The following DENND1A variants were observed in gnomAD, a reference collection of about 807,000 sequenced individuals.
DENND1A encodes DENN domain-containing protein 1A.
Under a neutral mutation model 113.7 loss-of-function variants are expected in DENND1A, and 51 were observed. That is an observed-to-expected ratio of 0.45 (90% CI 0.36 to 0.57). DENND1A has a LOEUF of 0.57. DENND1A is among the 20% of genes least tolerant of loss of function. The probability of loss-of-function intolerance (pLI) is 0.00; values close to 1 mark genes in which losing one functional copy is unlikely to be tolerated. For synonymous variants in DENND1A, 565 were observed against 570.8 expected, an observed-to-expected ratio of 0.99 and a Z score of 0.14; for missense variants, 1,258 against 1,395.9, an observed-to-expected ratio of 0.90 and a Z score of 1.57.
rs531325572 is a variant in DENND1A at position 123,435,177 on chromosome 9, T to C, written c.1488+5183A>G. On this transcript the variant is annotated intron_variant, in intron 19 of 23. Transcript: ENST00000394215. The stretch of plus-strand genomic sequence containing the variant: ...CCTGCTGGAGGTGGTGAGGAGGCAA[T>C]GGCTGAAGTGAAGGGAATTGCATGT... Among the ~76,000 whole-genome samples, 12 of 152,168 alleles carry C rather than the reference T, an allele frequency of 7.9e-5. No homozygotes were observed. In the South Asian group the frequency reaches 2.5e-3, roughly 32 times the overall value.
intron 13 of DENND1A, among the ~76,000 whole-genome samples, chr9:123,516,149 CACACACAA>C (rs2053888195): frequency 1.2e-5 from 1 of 85,668 alleles, no homozygotes; most frequent in African/African-American, 5.7e-5. Flanking sequence ...CACACACACA[CACACACAA>C]AGGTTGGGGG....
At chr9:123,513,923 A>G (rs557150981) in intron 13 of DENND1A, among the ~76,000 whole-genome samples, 1 of 152,216 alleles carries the variant, frequency 6.6e-6, no homozygotes, top group Non-Finnish European at 1.5e-5. Flanking sequence ...CCTGCCCAAC[A>G]TGGATCCCCA....
intron 1 of DENND1A, among the ~76,000 whole-genome samples, chr9:123,911,688 A>AT (rs369915046): frequency 2.8e-4 from 41 of 144,218 alleles, no homozygotes; most frequent in East Asian, 7.9e-4. Flanking sequence ...CAGAATAGTG[A>AT]TTTTTTTTTT....
At chr9:123,644,873 T>C (rs1245532709) in intron 9 of DENND1A, among the ~76,000 whole-genome samples, 3 of 152,304 alleles carry the variant, frequency 2.0e-5, no homozygotes, top group Non-Finnish European at 4.4e-5. Context: ...GGAATGCTGA[T>C]GGAATTGTAT....
At position 123,902,218 on chromosome 9, in the gene DENND1A, C is replaced by T. The variant is rs113262246; in HGVS notation, c.18-23197G>A. Among the ~76,000 whole-genome samples, 1,248 of 148,892 alleles carry T rather than the reference C, an allele frequency of 8.4e-3. 22 individuals carry two copies. Among genetic ancestry groups the T allele is most frequent in the African/African-American group, 0.029 (1,190 of 40,944 alleles). ...ACACACACACACACATACACACACA[C>T]GTAGAGACAGAGAGAGACTAATAAA... On this transcript the variant is annotated intron_variant, in intron 1 of 23. Transcript: ENST00000394215.
intron 5 of DENND1A, among the ~76,000 whole-genome samples, chr9:123,690,414 A>T (rs1055260737): frequency 6.6e-6 from 1 of 152,170 alleles, no homozygotes; most frequent in Non-Finnish European, 1.5e-5. Flanking sequence ...CTTGAAAGCA[A>T]CCTAAATGTA....
intron 2 of DENND1A, among the ~76,000 whole-genome samples, chr9:123,875,648 A>T (rs937546184): frequency 2.0e-5 from 3 of 152,132 alleles, no homozygotes; most frequent in Non-Finnish European, 4.4e-5. Flanking sequence ...AGACCTAGGG[A>T]TGTATACACC....
intron 5 of DENND1A, among the ~76,000 whole-genome samples, chr9:123,709,723 C>A (rs2066461360): frequency 6.6e-6 from 1 of 152,126 alleles, no homozygotes; most frequent in South Asian, 2.1e-4. Flanking sequence ...GCTGATGGTC[C>A]CTACTGAAAT....
chr9:123,661,265 A>G (rs1420846470), intron 8 of DENND1A, among the ~76,000 whole-genome samples: 1 of 152,092 alleles, frequency 6.6e-6, no homozygotes, highest in Non-Finnish European at 1.5e-5. Context: ...ACTTTCCCAC[A>G]CCTCTCCAGA....
intron 5 of DENND1A, among the ~76,000 whole-genome samples, chr9:123,694,170 A>G (rs906151628): frequency 6.6e-6 from 1 of 152,118 alleles, no homozygotes; most frequent in African/African-American, 2.4e-5. Context: ...TTATTTGTGA[A>G]ACATCTCACA....
At chr9:123,818,699 T>C (rs1156711803) in intron 2 of DENND1A, among the ~76,000 whole-genome samples, 2 of 150,496 alleles carry the variant, frequency 1.3e-5, no homozygotes, top group Non-Finnish European at 2.9e-5. Context: ...ATTTTGCACA[T>C]GAAACAAAGT....
intron 13 of DENND1A, among the ~76,000 whole-genome samples, chr9:123,517,474 AGCTGAGCAT>A (rs766791634): frequency 2.6e-4 from 40 of 152,008 alleles, no homozygotes; most frequent in Admixed American, 1.2e-3. Flanking sequence ...ACAAAAAATT[AGCTGAGCAT>A]GGTGGTGCGC....
intron 3 of DENND1A, among the ~76,000 whole-genome samples, chr9:123,775,571 T>A (rs890330769): frequency 1.3e-5 from 2 of 152,154 alleles, no homozygotes; most frequent in Non-Finnish European, 2.9e-5. Flanking sequence ...TTTGTAAGCA[T>A]ATTAAAAGCT....
intron 1 of DENND1A, among the ~76,000 whole-genome samples, chr9:123,926,149 T>C (rs927438536): frequency 2.0e-5 from 3 of 152,270 alleles, no homozygotes; most frequent in Non-Finnish European, 2.9e-5. Context: ...TTTATTCTTC[T>C]AGATAAATGT....
At chr9:123,875,443 T>C (rs1358831422) in intron 2 of DENND1A, among the ~76,000 whole-genome samples, 1 of 152,214 alleles carries the variant, frequency 6.6e-6, no homozygotes, top group Non-Finnish European at 1.5e-5. Flanking sequence ...CCTCCTGCCA[T>C]AATAAATATA....
intron 1 of DENND1A, among the ~76,000 whole-genome samples, chr9:123,929,242 A>AT (rs1857594738): frequency 6.6e-6 from 1 of 152,206 alleles, no homozygotes; most frequent in African/African-American, 2.4e-5. Flanking sequence ...AATTCGCCAG[A>AT]TTGAGTTACA....
chr9:123,540,509 A>G (rs1206872623), intron 13 of DENND1A, among the ~76,000 whole-genome samples: 2 of 152,218 alleles, frequency 1.3e-5, no homozygotes, highest in Admixed American at 1.3e-4. Context: ...ACAGGTATTA[A>G]GATGACATAA....
intron 9 of DENND1A, among the ~76,000 whole-genome samples, chr9:123,642,687 C>T (rs182096433): frequency 5.8e-4 from 88 of 152,324 alleles, no homozygotes; most frequent in African/African-American, 1.7e-3. Flanking sequence ...CAAAATAATG[C>T]AGTTTGTTCC....
intron 1 of DENND1A, among the ~76,000 whole-genome samples, chr9:123,914,626 G>A (rs1426164291): frequency 6.6e-6 from 1 of 151,820 alleles, no homozygotes; most frequent in Non-Finnish European, 1.5e-5. Context: ...AGTTCTGTAG[G>A]CTCACAGTGC....
Sources: gnomAD v4.1 joint callset for allele counts (sites outside exome capture counted in the v4.1 genomes callset) on GRCh38, gnomAD v4.1.1 for gene constraint, MANE v1.5 for transcripts, NCBI Gene and HGNC (gene_info 2026-07-23, HGNC 2026-07-21) for gene names.